ROR2: variants seen among roughly 807,000 people sequenced by gnomAD.
ROR2 encodes the protein tyrosine-protein kinase transmembrane receptor ROR2.
In ROR2, 33 loss-of-function variants were observed where a neutral mutation model predicts 74.9. The observed-to-expected ratio is 0.44, with a 90% CI of 0.33 to 0.59. The LOEUF is 0.59. Ranked by LOEUF, ROR2 falls within the 20% of genes least tolerant of loss-of-function variation. The pLI, the probability that ROR2 is intolerant of heterozygous loss-of-function variation, is 0.02. For synonymous variants in ROR2, 586 were observed against 558.7 expected (o/e 1.05, Z -0.69); for missense variants, 1,216 against 1,313.8 (o/e 0.93, Z 1.15).
chr9:91,835,120 C>A (rs1283145410), intron 1 of ROR2, among the ~76,000 whole-genome samples: 1 of 151,820 alleles, frequency 6.6e-6, no homozygotes, highest in Non-Finnish European at 1.5e-5. Flanking sequence ...CAGACACAGC[C>A]CCTGCAGTCT....
rs200954819 is a variant in ROR2 at position 91,893,456 on chromosome 9, A to T, written c.97+56411T>A. On this transcript the variant is annotated intron_variant, in intron 1 of 8. Transcript: ENST00000375708. ...GTGACTCTGTCTTAAAAAAAAAAAA[A>T]TTTGCAGGCTGAGGTCCTTGCACCA... Among the ~76,000 whole-genome samples the T allele has an allele frequency of 9.2e-5, 14 of 151,608 alleles. No individual in the cohort carries two copies. In the East Asian group the frequency reaches 2.1e-3, roughly 23 times the overall value.
At chr9:91,762,156 C>T in intron 2 of ROR2, among the ~76,000 whole-genome samples, 1 of 152,202 alleles carries the variant, frequency 6.6e-6, no homozygotes. Flanking sequence ...CCTCTGCTTC[C>T]ATTGTCACAT....
intron 1 of ROR2, among the ~76,000 whole-genome samples, chr9:91,945,250 T>G (rs1831984701): frequency 1.3e-5 from 2 of 152,224 alleles, no homozygotes; most frequent in Non-Finnish European, 2.9e-5. Context: ...TTAATTAATT[T>G]TAACTTATAT....
intron 1 of ROR2, among the ~76,000 whole-genome samples, chr9:91,827,621 T>G (rs893980971): frequency 6.6e-6 from 1 of 152,102 alleles, no homozygotes; most frequent in African/African-American, 2.4e-5. Flanking sequence ...AGGGGGTGGG[T>G]TCAGGATGCA....
rs909535619 is a variant in ROR2, at chr9:91,949,767, G to A, written c.97+100C>T. The A allele has an allele frequency of 6.3e-6, 5 of 792,268 alleles. No individual in the cohort carries two copies. In the African/African-American group the frequency reaches 8.7e-5, roughly 14 times the overall value. 49.1% of individuals were successfully genotyped at this position (792,268 alleles called of 1,614,324 possible). ...CCTGGCGCCCCTCGTTCAGGAGCATGGGCGCCGGCGCAGCGGCCGGGAGCA... is the reference window on the plus strand; with the variant it reads ...CCTGGCGCCCCTCGTTCAGGAGCATAGGCGCCGGCGCAGCGGCCGGGAGCA... On this transcript the variant is annotated intron_variant, in intron 1 of 8. Transcript: ENST00000375708.
intron 1 of ROR2, among the ~76,000 whole-genome samples, chr9:91,825,552 G>A (rs572940642): frequency 1.3e-5 from 2 of 152,278 alleles, no homozygotes; most frequent in Admixed American, 1.3e-4. Context: ...TGAGACCCAG[G>A]CAGGGGGAGA....
At chr9:91,810,484 C>T (rs999854443) in intron 1 of ROR2, among the ~76,000 whole-genome samples, 1 of 152,166 alleles carries the variant, frequency 6.6e-6, no homozygotes, top group Non-Finnish European at 1.5e-5. Context: ...TCATCTACTT[C>T]CGCAGACAGT....
intron 4 of ROR2, among the ~76,000 whole-genome samples, chr9:91,743,640 A>G (rs1825317237): frequency 6.6e-6 from 1 of 152,200 alleles, no homozygotes; most frequent in Non-Finnish European, 1.5e-5. Flanking sequence ...GGACACCACA[A>G]GAGCGTTACA....
At chr9:91,751,921 C>T (rs751840406) in intron 4 of ROR2, among the ~76,000 whole-genome samples, 13 of 152,232 alleles carry the variant, frequency 8.5e-5, no homozygotes, top group South Asian at 4.2e-4. Context: ...AGCCTAAATG[C>T]GTGGTGGAAG....
chr9:91,796,495 G>A (rs1435538271), intron 1 of ROR2, among the ~76,000 whole-genome samples: 1 of 151,076 alleles, frequency 6.6e-6, no homozygotes, highest in Non-Finnish European at 1.5e-5. Context: ...AAATTCTCAT[G>A]GCACATCTTC....
At chr9:91,945,390 A>C (rs969028496) in intron 1 of ROR2, among the ~76,000 whole-genome samples, 8 of 152,188 alleles carry the variant, frequency 5.3e-5, no homozygotes, top group Admixed American at 5.2e-4. Context: ...GGAAACCATT[A>C]GGCTAGGAGT....
intron 1 of ROR2, among the ~76,000 whole-genome samples, chr9:91,827,720 G>A (rs1029449645): frequency 5.3e-5 from 8 of 152,228 alleles, no homozygotes; most frequent in Non-Finnish European, 1.0e-4. Flanking sequence ...GATCAGCAGT[G>A]TCTAAGAATA....
intron 1 of ROR2, among the ~76,000 whole-genome samples, chr9:91,796,147 A>G (rs1587726255): frequency 6.6e-6 from 1 of 152,172 alleles, no homozygotes; most frequent in Non-Finnish European, 1.5e-5. Context: ...GTATGCTTCT[A>G]AAGAACACTT....
rs1426674544 is a variant in ROR2 at position 91,733,725 on chromosome 9, C to T, written c.623-289G>A. 6.6e-6 allele frequency among the ~76,000 whole-genome samples: 1 copy of T among 151,880 alleles called. No individual in the cohort carries two copies. Among genetic ancestry groups the T allele is most frequent in the South Asian group, 2.1e-4 (1 of 4,832 alleles). ...AGCAGAACAAGAAAGAAGGAAAACTCGGCCCCCTAGCTCACTCCGCTAGGT... is the reference window on the plus strand; with the variant it reads ...AGCAGAACAAGAAAGAAGGAAAACTTGGCCCCCTAGCTCACTCCGCTAGGT... On this transcript the variant is annotated intron_variant, in intron 5 of 8. Coordinates refer to ENST00000375708, the MANE Select transcript of ROR2 (RefSeq NM_004560.4). The surrounding 1 kb of genome is among the most constrained non-coding windows in gnomAD (Gnocchi z 5.7).
Position 91,836,116 on chromosome 9 carries a change from T to A in ROR2, c.98-60298A>T, listed in dbSNP as rs1358091393. Among the ~76,000 whole-genome samples, 9 of 152,342 alleles carry A rather than the reference T, an allele frequency of 5.9e-5. No homozygotes were observed. In the South Asian group the frequency reaches 1.7e-3, roughly 28 times the overall value. On this transcript the variant is annotated intron_variant, in intron 1 of 8. Coordinates refer to ENST00000375708, the MANE Select transcript of ROR2 (RefSeq NM_004560.4). ...AAACTTTGCACATGGAATCCCACCA[T>A]GCTTCTCTGTGGCCTCCTTCTTTCC... is the stretch of plus-strand genomic sequence containing the variant.
At chr9:91,798,601 G>C (rs1178776373) in intron 1 of ROR2, among the ~76,000 whole-genome samples, 4 of 132,836 alleles carry the variant, frequency 3.0e-5, no homozygotes, top group Non-Finnish European at 6.2e-5. Context: ...TGACACCCTG[G>C]GCTCTGTGGG....
chr9:91,764,692 T>G (rs994834171), intron 2 of ROR2, among the ~76,000 whole-genome samples: 26 of 152,196 alleles, frequency 1.7e-4, no homozygotes, highest in African/African-American at 6.0e-4. Context: ...CCAACTTCTT[T>G]CCTCACCAAC....
At chr9:91,815,244 T>G (rs1827889215) in intron 1 of ROR2, among the ~76,000 whole-genome samples, 1 of 152,236 alleles carries the variant, frequency 6.6e-6, no homozygotes, top group Non-Finnish European at 1.5e-5. Flanking sequence ...TGCATTACAT[T>G]TTAAAATGAT....
chr9:91,807,116 T>C (rs1046892811), intron 1 of ROR2, among the ~76,000 whole-genome samples: 1 of 152,130 alleles, frequency 6.6e-6, no homozygotes, highest in Non-Finnish European at 1.5e-5. Flanking sequence ...GAAGGCTACA[T>C]AGAGAGGCCA....
Sources: allele counts gnomAD v4.1 joint callset (sites outside exome capture counted in the v4.1 genomes callset), GRCh38; gene constraint gnomAD v4.1.1; non-coding constraint Gnocchi (gnomAD v3.1); transcripts MANE v1.5; gene names NCBI Gene and HGNC (gene_info 2026-07-23, HGNC 2026-07-21).